The following NCOR2 variants were observed in gnomAD, a reference collection of about 807,000 sequenced individuals.
The protein encoded by NCOR2 is nuclear receptor corepressor 2.
In NCOR2, 81 loss-of-function variants were observed where a neutral mutation model predicts 262.9. That is an observed-to-expected ratio of 0.31 (90% CI 0.26 to 0.37). The LOEUF is 0.37. Among genes scored for constraint, NCOR2 ranks in the 10% least tolerant of loss-of-function variants. The probability of loss-of-function intolerance (pLI) is 1.00; values close to 1 mark genes in which losing one functional copy is unlikely to be tolerated. For missense variants in NCOR2, 3,385 were observed against 3,621.4 expected (o/e 0.93, Z 1.68); for synonymous variants, 1,659 against 1,559.3 (o/e 1.06, Z -1.51).
intron 17 of NCOR2, among the ~76,000 whole-genome samples, chr12:124,381,844 G>A (rs1163776241): frequency 6.6e-6 from 1 of 152,224 alleles, no homozygotes; most frequent in Non-Finnish European, 1.5e-5. Context: ...GGAGAAAAGG[G>A]TAACCTTCGG....
intron 2 of NCOR2, among the ~76,000 whole-genome samples, chr12:124,485,882 G>A (rs2047743271): frequency 6.6e-6 from 1 of 152,204 alleles, no homozygotes; most frequent in African/African-American, 2.4e-5. Flanking sequence ...CCGATCCCAA[G>A]TGAATGCATG....
intron 6 of NCOR2, among the ~76,000 whole-genome samples, chr12:124,453,766 G>T (rs1177462857): frequency 6.6e-6 from 1 of 152,228 alleles, no homozygotes; most frequent in African/African-American, 2.4e-5. Flanking sequence ...TGCTGGGCAC[G>T]CCCTCCACCA....
At chr12:124,332,557 G>C in intron 42 of NCOR2, 90 bp from the exon 45 acceptor site, 2 of 1,564,406 alleles carry the variant, frequency 1.3e-6, no homozygotes, top group Non-Finnish European at 1.8e-6. Context: ...AGATGCCTTA[G>C]ACATTTGGAA....
chr12:124,428,752 T>C (rs1218706555), intron 10 of NCOR2, among the ~76,000 whole-genome samples: 3 of 152,324 alleles, frequency 2.0e-5, no homozygotes, highest in South Asian at 2.1e-4. Context: ...TTAATTTTGA[T>C]TTCAATAGCC....
chr12:124,462,546 G>C (rs1018997239), intron 5 of NCOR2, among the ~76,000 whole-genome samples: 1 of 152,264 alleles, frequency 6.6e-6, no homozygotes, highest in Non-Finnish European at 1.5e-5. Context: ...GCCTCGCGGG[G>C]CTGAAACGGA....
At position 124,483,721 on chromosome 12, in the gene NCOR2, C is replaced by A. The variant is rs376765933; in HGVS notation, c.286G>T (p.Gly96Trp). The change falls in exon 3 of 47, where the codon GGG becomes TGG. Residue 96 changes from glycine to tryptophan, a missense_variant. Gly to Trp is a radical substitution (Grantham distance 184). Coordinates refer to ENST00000405201, the Ensembl canonical transcript of NCOR2. The surrounding 1 kb of genome is among the most constrained non-coding windows in gnomAD (Gnocchi z 6.3). ...TCAATGAACTCCATCTCTGACTTCC[C>A]CAGCTCGGGCAGGTATGAGTGGGAC... 6.2e-7 allele frequency: 1 copy of A among 1,611,422 alleles called. No homozygotes were observed. The highest frequency in any genetic ancestry group is 8.5e-7 in the Non-Finnish European group (1 of 1,178,832).
At chr12:124,545,337 A>G (rs1566046811) in intron 1 of NCOR2, among the ~76,000 whole-genome samples, 2 of 152,172 alleles carry the variant, frequency 1.3e-5, no homozygotes, top group African/African-American at 4.8e-5. Flanking sequence ...GAGGCCAGTG[A>G]CAACAGAAGC....
Position 124,381,391 on chromosome 12 carries a change from C to T in NCOR2, c.2020-3007G>A, listed in dbSNP as rs1285223618. 2.0e-5 allele frequency among the ~76,000 whole-genome samples: 3 copies of T among 152,206 alleles called. No individual in the cohort carries two copies. In the East Asian group the frequency reaches 5.8e-4, roughly 29 times the overall value. The stretch of plus-strand genomic sequence containing the variant: ...AGCTCATCCCTCCCACCCCCACCAT[C>T]AATCACTTTCTACTACATTCTTCTC... On this transcript the variant is annotated intron_variant, in intron 17 of 46. Transcript: ENST00000405201.
chr12:124,386,024 G>T, intron 16 of NCOR2, 137 bp from the exon 19 acceptor site: 1 of 1,131,392 alleles, frequency 8.8e-7, no homozygotes, highest in Non-Finnish European at 1.2e-6. Context: ...AGGACCTCTG[G>T]AAGAAGAGAC....
rs556406512 is a variant in NCOR2, at chr12:124,466,079, T to C, written c.705+94A>G. 26 of 1,233,530 alleles carry C rather than the reference T, an allele frequency of 2.1e-5. No individual in the cohort carries two copies. In the East Asian group the frequency reaches 4.8e-4, roughly 23 times the overall value. 76.4% of individuals were successfully genotyped at this position (1,233,530 alleles called of 1,614,324 possible). On this transcript the variant is annotated intron_variant, in intron 5 of 46. Coordinates refer to ENST00000405201, the Ensembl canonical transcript of NCOR2. ...AGGGTGGCGAGGTCCCCTCCCCACA[T>C]AGATGGAAACACTGAGGCCTGATTC...
chr12:124,414,019 C>T (rs975096451), intron 13 of NCOR2, among the ~76,000 whole-genome samples: 1 of 151,882 alleles, frequency 6.6e-6, no homozygotes, highest in African/African-American at 2.4e-5. Flanking sequence ...ATCCAGCATC[C>T]GACTCCCCAC....
chr12:124,337,883 CG>C (rs2036028239), intron 37 of NCOR2, among the ~76,000 whole-genome samples: 1 of 152,236 alleles, frequency 6.6e-6, no homozygotes, highest in Non-Finnish European at 1.5e-5. Flanking sequence ...CCCCATCTCT[CG>C]CTAACTCTAC....
chr12:124,385,523 G>A (rs2040741872), intron 17 of NCOR2, among the ~76,000 whole-genome samples: 1 of 152,126 alleles, frequency 6.6e-6, no homozygotes, highest in Non-Finnish European at 1.5e-5. Context: ...GGGCAGCCTG[G>A]CCCGGCCCGT....
chr12:124,560,925 T>C (rs2052047785), intron 1 of NCOR2, among the ~76,000 whole-genome samples: 2 of 152,232 alleles, frequency 1.3e-5, no homozygotes, highest in Non-Finnish European at 2.9e-5. Context: ...AAAAGCAACA[T>C]TATCCCCAAA....
rs2052255219 is a variant in NCOR2 at position 124,566,761 on chromosome 12, C to T, written c.-165+547G>A. Among the ~76,000 whole-genome samples, 1 of 152,182 alleles carries T rather than the reference C, an allele frequency of 6.6e-6. No individual in the cohort carries two copies. On this transcript the variant is annotated intron_variant, in intron 1 of 32. Coordinates refer to the NCOR2 transcript ENST00000458234. This position sits in a 1 kb window ranked among gnomAD's most constrained non-coding sequence, Gnocchi z 4.3. The stretch of plus-strand genomic sequence containing the variant: ...CCAGGGGCGACTCTCCCGAGGGACC[C>T]CGCCCAGCGCCCCGTGGCCCCACGC...
intron 20 of NCOR2, among the ~76,000 whole-genome samples, chr12:124,370,993 C>A (rs1005578180): frequency 6.6e-6 from 1 of 152,160 alleles, no homozygotes; most frequent in African/African-American, 2.4e-5. Context: ...CCCAACCCCA[C>A]GGCCACCACG....
intron 1 of NCOR2, among the ~76,000 whole-genome samples, chr12:124,522,054 G>A (rs1057385450): frequency 6.6e-6 from 1 of 152,078 alleles, no homozygotes. Flanking sequence ...TGGTGTTGCT[G>A]AATGCACACC....
At chr12:124,345,302 T>G (rs1232388108) in intron 31 of NCOR2, among the ~76,000 whole-genome samples, 1 of 152,064 alleles carries the variant, frequency 6.6e-6, no homozygotes, top group Admixed American at 6.5e-5. Context: ...AAAACATTCC[T>G]CTGTTCAGCC....
intron 20 of NCOR2, among the ~76,000 whole-genome samples, chr12:124,371,413 G>A (rs983465675): frequency 6.6e-6 from 1 of 152,244 alleles, no homozygotes; most frequent in Non-Finnish European, 1.5e-5. Flanking sequence ...ACTGTTTGCT[G>A]ATATAATCAA....
Sources: allele counts gnomAD v4.1 joint callset (sites outside exome capture counted in the v4.1 genomes callset), GRCh38; gene constraint gnomAD v4.1.1; non-coding constraint Gnocchi (gnomAD v3.1); transcripts MANE v1.5; gene names NCBI Gene and HGNC (gene_info 2026-07-23, HGNC 2026-07-21).